CACNA1C: variants seen among roughly 807,000 people sequenced by gnomAD.
The protein encoded by CACNA1C is voltage-dependent L-type calcium channel subunit alpha-1C.
Under a neutral mutation model 229.0 loss-of-function variants are expected in CACNA1C, and 30 were observed. The ratio of observed to expected loss-of-function variants is 0.13; its 90% confidence interval spans 0.10 to 0.18. The LOEUF (loss-of-function observed/expected upper bound fraction) is 0.18. Among genes scored for constraint, CACNA1C ranks in the 10% least tolerant of loss-of-function variants. The probability of loss-of-function intolerance (pLI) is 1.00; values close to 1 mark genes in which losing one functional copy is unlikely to be tolerated. For synonymous variants in CACNA1C, 1,114 were observed against 1,132.5 expected (o/e 0.98, Z 0.33); for missense variants, 1,658 against 2,845.0 (o/e 0.58, Z 9.49).
At position 2,373,728 on chromosome 12, in the gene CACNA1C, T is replaced by G. The variant is rs141358265; in HGVS notation, c.478-75248T>G. Among the ~76,000 whole-genome samples, 285 of 152,292 alleles carry G rather than the reference T, an allele frequency of 1.9e-3. 1 individual carries two copies. Among genetic ancestry groups the G allele is most frequent in the Middle Eastern group, 6.8e-3 (2 of 294 alleles). On this transcript the variant is annotated intron_variant, in intron 3 of 46. Coordinates refer to ENST00000399655, the MANE Select transcript of CACNA1C (RefSeq NM_000719.7). ...TATTTATGAGTTTGCTCCAGCTGCC[T>G]TAACAAACCCTCTTCAAGCCCATTT...
intron 8 of CACNA1C, among the ~76,000 whole-genome samples, chr12:2,507,273 G>T (rs368608230): frequency 2.0e-5 from 3 of 152,118 alleles, no homozygotes; most frequent in Non-Finnish European, 4.4e-5. Context: ...TTGGCCAAAG[G>T]TCTGCCCTAA....
chr12:2,635,776 G>C (rs1342544270), intron 30 of CACNA1C, among the ~76,000 whole-genome samples: 1 of 152,058 alleles, frequency 6.6e-6, no homozygotes, highest in Non-Finnish European at 1.5e-5. Context: ...GTGTCTCTGA[G>C]AACTGTCTTT....
Position 2,608,616 on chromosome 12 carries a change from C to G in CACNA1C, c.3462C>G (p.Ala1154=), listed in dbSNP as rs1168511209. 6.2e-7 allele frequency: 1 copy of G among 1,611,126 alleles called. No individual in the cohort carries two copies. The highest frequency in any genetic ancestry group is 1.7e-5 in the Admixed American group (1 of 60,006). ...TCATCATCTACATCATCATCATCGCCTTCTTCATGATGAACATCTTCGTGG... is the reference window on the plus strand; with the variant it reads ...TCATCATCTACATCATCATCATCGCGTTCTTCATGATGAACATCTTCGTGG... ...IFFIIYIIII[A]FFMMNIFVGF... The change falls in exon 27 of 47, where the codon GCC becomes GCG. Residue 1154 remains alanine, a synonymous_variant. Transcript: ENST00000399655. This position sits in a 1 kb window ranked among gnomAD's most constrained non-coding sequence, Gnocchi z 4.2.
At chr12:2,101,783 GC>G (rs919475979) in intron 1 of CACNA1C, among the ~76,000 whole-genome samples, 11 of 151,040 alleles carry the variant, frequency 7.3e-5, no homozygotes, top group African/African-American at 2.7e-4. Flanking sequence ...GGAGGCTGGG[GC>G]CACCGAGAAT....
chr12:2,377,641 G>A (rs1296356788), intron 3 of CACNA1C, among the ~76,000 whole-genome samples: 3 of 152,186 alleles, frequency 2.0e-5, no homozygotes, highest in Non-Finnish European at 4.4e-5. Context: ...TTGAGCACAC[G>A]TTATATGTTC....
chr12:2,286,711 C>T (rs562622665), intron 3 of CACNA1C, among the ~76,000 whole-genome samples: 2 of 152,268 alleles, frequency 1.3e-5, no homozygotes, highest in African/African-American at 4.8e-5. Flanking sequence ...AAACAAGAAA[C>T]AATGACAGGA....
chr12:2,513,758 GA>G (rs1317665485), intron 9 of CACNA1C, among the ~76,000 whole-genome samples: 2 of 152,158 alleles, frequency 1.3e-5, no homozygotes, highest in East Asian at 3.9e-4. Flanking sequence ...GCATTACCTG[GA>G]AACTTGTTAG....
chr12:2,462,976 G>C (rs891860995), intron 5 of CACNA1C, among the ~76,000 whole-genome samples: 1 of 140,536 alleles, frequency 7.1e-6, no homozygotes, highest in Admixed American at 7.4e-5. Flanking sequence ...GCAGTGGTGT[G>C]ATCTCGGCTC....
intron 4 of CACNA1C, among the ~76,000 whole-genome samples, chr12:2,454,900 G>C (rs146015302): frequency 6.6e-6 from 1 of 152,152 alleles, no homozygotes; most frequent in Non-Finnish European, 1.5e-5. Context: ...ACAACCACGC[G>C]TCTATGCTGA....
Position 2,480,898 on chromosome 12 carries a change from G to A in CACNA1C, c.758-5206G>A, listed in dbSNP as rs539882923. On this transcript the variant is annotated intron_variant, in intron 5 of 46. Coordinates refer to ENST00000399655, the MANE Select transcript of CACNA1C (RefSeq NM_000719.7). Reference sequence around the variant, plus strand: ...TGGAATCCAAACAATGGAATCTAACGTTGGCAATGATCTCCAATTCTAGGG... The same window carrying A: ...TGGAATCCAAACAATGGAATCTAACATTGGCAATGATCTCCAATTCTAGGG... 5.7e-4 allele frequency among the ~76,000 whole-genome samples: 87 copies of A among 152,304 alleles called. No homozygotes were observed. The South Asian group carries it at 0.011, about 18-fold the overall frequency.
Position 2,585,801 on chromosome 12 carries a change from C to CTG in CACNA1C, c.2461-33_2461-32insGT, listed in dbSNP as rs34212639. The CTG allele has an allele frequency of 8.2e-3, 12,326 of 1,497,870 alleles. 849 individuals carry two copies. The African/African-American group carries it at 0.15, about 18-fold the overall frequency. 92.8% of individuals were successfully genotyped at this position (1,497,870 alleles called of 1,614,324 possible). A position where few individuals can be genotyped will look rare whatever the true frequency, so the allele number is the denominator to read the frequency against. ...CCTCTTAACTTGGGGACGTATCTAA[C>CTG]TATTCTTCCCCCTTCTCCCCTGTGA... On this transcript the variant is annotated intron_variant, in intron 17 of 46. Transcript: ENST00000399655. The surrounding 1 kb of genome is among the most constrained non-coding windows in gnomAD (Gnocchi z 4.1).
rs779442912 is a variant in CACNA1C at position 2,683,830 on chromosome 12, A to C, written c.5573+1152A>C. On this transcript the variant is annotated intron_variant, in intron 43 of 46. Transcript: ENST00000399655. ...CCACTCTGGAACGGCAGCACAGTGA[A>C]GCGTGGCCAGGCACGATGCAGGGTG... 2.6e-5 allele frequency among the ~76,000 whole-genome samples: 4 copies of C among 152,338 alleles called. No homozygotes were observed. In the South Asian group the frequency reaches 8.3e-4, roughly 32 times the overall value.
chr12:2,265,229 G>A (rs372162302), intron 3 of CACNA1C, among the ~76,000 whole-genome samples: 24 of 152,164 alleles, frequency 1.6e-4, no homozygotes, highest in African/African-American at 4.6e-4. Context: ...GTTAGTTACC[G>A]CAAATGTCTG....
In CACNA1C at chr12:2,691,116, G is replaced by A; in HGVS notation, c.6334G>A (p.Glu2112Lys). ...GGGGCAGGACCGAGCCGGGGGCGAA[G>A]AGGACGCGGGCTGTGTGCGCGCGCG... Reference protein sequence around the residue: ...DAGQDRAGGEEDAGCVRARGR... With the variant: ...DAGQDRAGGEKDAGCVRARGR... Residue 2112 changes from glutamate to lysine, a missense_variant, in exon 47 of 47, where the codon GAG becomes AAG. Physicochemically the swap from Glu to Lys is moderately conservative, Grantham distance 56. Around this residue, in one of 20 missense-constraint regions of CACNA1C, gnomAD observed 590 missense variants for 700.8 expected, o/e 0.84. Coordinates refer to ENST00000399655, the MANE Select transcript of CACNA1C (RefSeq NM_000719.7). The A allele has an allele frequency of 6.2e-7, 1 of 1,611,846 alleles. No homozygotes were observed. Among genetic ancestry groups the A allele is most frequent in the South Asian group, 1.1e-5 (1 of 90,914 alleles).
chr12:2,387,399 C>T (rs890362204), intron 3 of CACNA1C, among the ~76,000 whole-genome samples: 1 of 152,070 alleles, frequency 6.6e-6, no homozygotes, highest in Non-Finnish European at 1.5e-5. Flanking sequence ...ACAGGAGAAT[C>T]GCTTGAAACC....
At chr12:2,223,778 G>A (rs748635289) in intron 3 of CACNA1C, among the ~76,000 whole-genome samples, 13 of 152,094 alleles carry the variant, frequency 8.5e-5, no homozygotes, top group Non-Finnish European at 1.8e-4. Flanking sequence ...GTTATACATC[G>A]TAGAAAATGA....
intron 1 of CACNA1C, among the ~76,000 whole-genome samples, chr12:2,073,590 G>A (rs747522331): frequency 6.6e-6 from 1 of 152,228 alleles, no homozygotes; most frequent in African/African-American, 2.4e-5. Context: ...CACAGGAGCA[G>A]AGCCACCTGG....
At chr12:2,360,001 T>C (rs2097510695) in intron 3 of CACNA1C, among the ~76,000 whole-genome samples, 2 of 152,148 alleles carry the variant, frequency 1.3e-5, no homozygotes, top group African/African-American at 4.8e-5. Context: ...CCCGATCGCT[T>C]GTCCTCAGAT....
chr12:2,060,681 G>A (rs12318330), intron 1 of CACNA1C, among the ~76,000 whole-genome samples: 5,708 of 152,302 alleles, frequency 0.037, 180 homozygotes, highest in African/African-American at 0.078. Context: ...AGAACATAGT[G>A]TTGTGATAAT....
Sources: gnomAD v4.1 joint callset for allele counts (sites outside exome capture counted in the v4.1 genomes callset) on GRCh38, gnomAD v4.1.1 for gene constraint, gnomAD v4.1.1 regional missense constraint, Gnocchi (gnomAD v3.1) non-coding constraint, MANE v1.5 for transcripts, NCBI Gene and HGNC (gene_info 2026-07-23, HGNC 2026-07-21) for gene names.